Variants in PELI2 observed in about 807,000 individuals in gnomAD.
The protein encoded by PELI2 is pellino E3 ubiquitin protein ligase family member 2.
Under a neutral mutation model 42.3 loss-of-function variants are expected in PELI2, and 23 were observed. The ratio of observed to expected loss-of-function variants is 0.54; its 90% confidence interval spans 0.39 to 0.77. PELI2 has a LOEUF of 0.77. Among genes scored for constraint, PELI2 ranks in the 30% least tolerant of loss-of-function variants. The pLI, the probability that PELI2 is intolerant of heterozygous loss-of-function variation, is 0.00. For missense variants in PELI2, 463 were observed against 553.2 expected (o/e 0.84, Z 1.64); for synonymous variants, 245 against 212.2 (o/e 1.15, Z -1.34).
At chr14:56,245,299 A>G (rs1022074946) in intron 2 of PELI2, among the ~76,000 whole-genome samples, 1 of 152,198 alleles carries the variant, frequency 6.6e-6, no homozygotes, top group African/African-American at 2.4e-5. Context: ...TATATTAATT[A>G]ATTAGCTTAG....
At chr14:56,185,164 G>C (rs756856749) in intron 2 of PELI2, among the ~76,000 whole-genome samples, 12 of 152,076 alleles carry the variant, frequency 7.9e-5, no homozygotes, top group Non-Finnish European at 1.3e-4. Flanking sequence ...TTTACATAGA[G>C]TGAGTTTTAG....
intron 2 of PELI2, among the ~76,000 whole-genome samples, chr14:56,234,295 T>C (rs1887700131): frequency 6.6e-6 from 1 of 152,112 alleles, no homozygotes; most frequent in Admixed American, 6.5e-5. Flanking sequence ...TAAAGACACA[T>C]ACACACGTAT....
At chr14:56,253,438 A>G (rs1465479904) in intron 2 of PELI2, among the ~76,000 whole-genome samples, 1 of 152,218 alleles carries the variant, frequency 6.6e-6, no homozygotes, top group East Asian at 1.9e-4. Context: ...ACATGATTGT[A>G]TATTTAGAAA....
chr14:56,218,702 C>CGTGTGT (rs111825772), intron 2 of PELI2, among the ~76,000 whole-genome samples: 5 of 149,708 alleles, frequency 3.3e-5, no homozygotes, highest in East Asian at 1.9e-4. Context: ...CACATGTGTG[C>CGTGTGT]GTGTGTGTGT....
At chr14:56,236,621 T>C (rs1007421943) in intron 2 of PELI2, among the ~76,000 whole-genome samples, 6 of 152,224 alleles carry the variant, frequency 3.9e-5, no homozygotes, top group Non-Finnish European at 7.3e-5. Flanking sequence ...TATGAGTTCA[T>C]ATTTCTTGGA....
At chr14:56,204,695 T>G (rs138842897) in intron 2 of PELI2, among the ~76,000 whole-genome samples, 133 of 152,106 alleles carry the variant, frequency 8.7e-4, no homozygotes, top group African/African-American at 3.1e-3. Context: ...ACTTTTAAAC[T>G]GTTAAGAAGA....
chr14:56,213,622 T>C (rs1886788740), intron 2 of PELI2, among the ~76,000 whole-genome samples: 1 of 152,098 alleles, frequency 6.6e-6, no homozygotes, highest in African/African-American at 2.4e-5. Context: ...TGGTGGTGTT[T>C]TAGGATGGAG....
intron 2 of PELI2, among the ~76,000 whole-genome samples, chr14:56,186,335 G>A (rs1361531311): frequency 6.6e-6 from 1 of 152,192 alleles, no homozygotes; most frequent in South Asian, 2.1e-4. Context: ...CCTGAAAACA[G>A]ATTATTCCCT....
In PELI2 at chr14:56,296,922, C is replaced by G. The variant is rs1389295533; in HGVS notation, c.1019C>G (p.Thr340Ser). ...ANERECPMCR[T>S]VGPYVPLWLG... ...GAGAGGGAGTGTCCCATGTGCAGGA[C>G]TGTGGGCCCCTATGTGCCTCTCTGG... The change falls in exon 6 of 6, where the codon ACT becomes AGT. Residue 340 changes from threonine to serine, a missense_variant. This residue lies in a region of PELI2 where 103 missense variants were observed against 129.6 expected (regional missense o/e 0.80). Transcript: ENST00000267460. 1 of 1,614,028 alleles carries G rather than the reference C, an allele frequency of 6.2e-7. No individual in the cohort carries two copies. Among genetic ancestry groups the G allele is most frequent in the Non-Finnish European group, 8.5e-7 (1 of 1,180,042 alleles).
At chr14:56,157,914 A>G (rs1345905769) in intron 1 of PELI2, among the ~76,000 whole-genome samples, 1 of 152,198 alleles carries the variant, frequency 6.6e-6, no homozygotes, top group African/African-American at 2.4e-5. Context: ...CCTAGTCTCA[A>G]ACTTAGGGCA....
Position 56,288,352 on chromosome 14 carries a change from G to T in PELI2, c.310-85G>T, listed in dbSNP as rs1326706989. ...AGAACAAGGATAGTGAATGTTAAAG[G>T]AATCCTGAATGCTTTTTCCTTGTGA... On this transcript the variant is annotated intron_variant, in intron 3 of 5. Coordinates refer to ENST00000267460, the MANE Select transcript of PELI2 (RefSeq NM_021255.3). This position sits in a 1 kb window ranked among gnomAD's most constrained non-coding sequence, Gnocchi z 4.6. 2.0e-6 allele frequency: 2 copies of T among 976,940 alleles called. No homozygotes were observed. The highest frequency in any genetic ancestry group is 3.2e-5 in the African/African-American group (2 of 62,160). The allele number at this position is 976,940 out of a possible 1,614,324, so 60.5% of individuals were successfully genotyped here. A position where few individuals can be genotyped will look rare whatever the true frequency, so the allele number is the denominator to read the frequency against.
At chr14:56,140,862 C>T (rs1883880726) in intron 1 of PELI2, among the ~76,000 whole-genome samples, 2 of 152,024 alleles carry the variant, frequency 1.3e-5, no homozygotes, top group Non-Finnish European at 2.9e-5. Flanking sequence ...TCCTGAGGTA[C>T]AGGAGGGAAG....
At chr14:56,141,266 C>T (rs527989108) in intron 1 of PELI2, among the ~76,000 whole-genome samples, 6 of 152,124 alleles carry the variant, frequency 3.9e-5, no homozygotes, top group East Asian at 1.9e-4. Flanking sequence ...TGTATGGGTC[C>T]GGGAAAATTA....
At chr14:56,293,913 C>T (rs1443299415) in intron 5 of PELI2, among the ~76,000 whole-genome samples, 4 of 152,222 alleles carry the variant, frequency 2.6e-5, no homozygotes, top group Non-Finnish European at 4.4e-5. Context: ...CAGCTTCTTA[C>T]CACATCAGGG....
intron 1 of PELI2, among the ~76,000 whole-genome samples, chr14:56,123,727 T>A (rs984773107): frequency 6.6e-6 from 1 of 152,216 alleles, no homozygotes; most frequent in African/African-American, 2.4e-5. Flanking sequence ...TAAATGAAAG[T>A]AAAACAGGCT....
rs1391977467 is a variant in PELI2 at position 56,175,935 on chromosome 14, T to A, written c.78-2400T>A. ...TTCCTTCTTCACTTTGTCTGCTTTT[T>A]CAGCCATATAACACTTTATGACATC... On this transcript the variant is annotated intron_variant, in intron 1 of 5. Transcript: ENST00000267460. Among the ~76,000 whole-genome samples, 3 of 152,240 alleles carry A rather than the reference T, an allele frequency of 2.0e-5. No homozygotes were observed. The East Asian group carries it at 5.8e-4, about 29-fold the overall frequency.
In PELI2 at chr14:56,271,403, T is replaced by G. The variant is rs113398443; in HGVS notation, c.208-8273T>G. ...AAAATGTTTCTACAGCAATACACCT[T>G]GACATAGAAAGTTTGTATTTCATAA... is the stretch of plus-strand genomic sequence containing the variant. On this transcript the variant is annotated intron_variant, in intron 2 of 5. Coordinates refer to ENST00000267460, the MANE Select transcript of PELI2 (RefSeq NM_021255.3). Among the ~76,000 whole-genome samples the G allele has an allele frequency of 6.0e-4, 91 of 152,314 alleles. 3 individuals carry two copies. Among genetic ancestry groups the G allele is most frequent in the African/African-American group, 2.1e-3 (87 of 41,572 alleles).
chr14:56,254,967 A>G (rs193041040), intron 2 of PELI2, among the ~76,000 whole-genome samples: 1 of 152,236 alleles, frequency 6.6e-6, no homozygotes, highest in Non-Finnish European at 1.5e-5. Context: ...AGTGGCGACC[A>G]TTACAAAGTC....
chr14:56,233,481 C>G (rs1465437410), intron 2 of PELI2, among the ~76,000 whole-genome samples: 1 of 152,108 alleles, frequency 6.6e-6, no homozygotes, highest in African/African-American at 2.4e-5. Flanking sequence ...CTTTGACAAA[C>G]CTGACAAAAA....
Sources: allele counts gnomAD v4.1 joint callset (sites outside exome capture counted in the v4.1 genomes callset), GRCh38; gene constraint gnomAD v4.1.1; regional missense constraint gnomAD v4.1.1; non-coding constraint Gnocchi (gnomAD v3.1); transcripts MANE v1.5; gene names NCBI Gene and HGNC (gene_info 2026-07-23, HGNC 2026-07-21).